SMAD6: variants seen among roughly 807,000 people sequenced by gnomAD.
SMAD6 encodes SMAD family member 6, also known as MAD homolog 6.
SMAD6 carries 103 observed loss-of-function variants against 39.4 expected under a neutral mutation model. The observed-to-expected ratio is 2.62, with a 90% CI of 2.23 to 3.08. The LOEUF (loss-of-function observed/expected upper bound fraction) is 3.08. Among genes scored for constraint, SMAD6 ranks in the 30% most tolerant of loss-of-function variants. SMAD6 has a pLI of 0.00. For synonymous variants in SMAD6, 445 were observed against 353.3 expected, an observed-to-expected ratio of 1.26 and a Z score of -2.91; for missense variants, 1,104 against 742.9, an observed-to-expected ratio of 1.49 and a Z score of -5.65.
In SMAD6 at chr15:66,703,935, T is replaced by G; in HGVS notation, c.677T>G (p.Leu226Arg). 1 of 1,369,454 alleles carries G rather than the reference T, an allele frequency of 7.3e-7. No homozygotes were observed. Among genetic ancestry groups the G allele is most frequent in the Non-Finnish European group, 9.4e-7 (1 of 1,060,264 alleles). The allele number at this position is 1,369,454 out of a possible 1,614,324, so 84.8% of individuals were successfully genotyped here. Residue 226 changes from leucine to arginine, a missense_variant, in exon 1 of 4, where the codon CTC (leucine) becomes CGC (arginine). By Grantham distance (102) the Leu-to-Arg change is moderately radical. Coordinates refer to ENST00000288840, the MANE Select transcript of SMAD6 (RefSeq NM_005585.5). ...CAGCCCGCGCCGCCGCAGCTGCTGC[T>G]CGGCCGCCTCTTTCGCTGGCCCGAC... ...GGQPAPPQLLLGRLFRWPDLQ... is the reference protein window; with the variant it reads ...GGQPAPPQLLRGRLFRWPDLQ...
intron 3 of SMAD6, among the ~76,000 whole-genome samples, chr15:66,776,122 A>G (rs1894463964): frequency 6.6e-6 from 1 of 152,032 alleles, no homozygotes; most frequent in Non-Finnish European, 1.5e-5. Flanking sequence ...CCATTCCTTC[A>G]CTCACTGGGC....
rs1164002736 is a variant in SMAD6, at chr15:66,704,008, C to T, written c.750C>T (p.Phe250=). The stretch of plus-strand genomic sequence containing the variant: ...AGCCCCTGTGCGGCTGCCACAGCTT[C>T]GCCGCCGCCGCCGACGGCCCTACCG... The part of the protein sequence containing the change: ...ELKPLCGCHS[F]AAAADGPTVC... Residue 250 remains phenylalanine, a synonymous_variant, in exon 1 of 4, where the codon TTC becomes TTT. Coordinates refer to ENST00000288840, the MANE Select transcript of SMAD6 (RefSeq NM_005585.5). The T allele has an allele frequency of 6.7e-7, 1 of 1,491,904 alleles. No individual in the cohort carries two copies. The highest frequency in any genetic ancestry group is 2.9e-5 in the East Asian group (1 of 34,554). 92.4% of individuals were successfully genotyped at this position (1,491,904 alleles called of 1,614,324 possible). A position where few individuals can be genotyped will look rare whatever the true frequency, so the allele number is the denominator to read the frequency against.
At chr15:66,704,102 GC>G (rs1478208572) in intron 1 of SMAD6, 27 bp downstream of exon 1, 16 of 1,406,662 alleles carry the variant, frequency 1.1e-5, no homozygotes, top group Admixed American at 6.2e-5. Context: ...GGCCGGGGGG[GC>G]CCCGGGTCCC....
At position 66,702,696 on chromosome 15, in the gene SMAD6, T is replaced by TTTTC. The variant is rs1445163353; in HGVS notation, c.-554_-551dup. ...GATTTAGGTTTTGTTTGGGATTTCC[T>TTTTC]TTTCTTTCTTTCCTTTTTTTTTTCT... On this transcript the variant is annotated 5_prime_UTR_variant, in exon 1 of 4. The change abolishes the stop of an existing upstream ORF in the 5' untranslated region. Transcript: ENST00000288840. The TTTTC allele has an allele frequency of 6.6e-6, 1 of 152,194 alleles. No homozygotes were observed. Among genetic ancestry groups the TTTTC allele is most frequent in the South Asian group, 2.1e-4 (1 of 4,832 alleles). 9.4% of individuals were successfully genotyped at this position (152,194 alleles called of 1,614,324 possible). A position where few individuals can be genotyped will look rare whatever the true frequency, so the allele number is the denominator to read the frequency against.
At chr15:66,757,826 A>T (rs574499199) in intron 3 of SMAD6, among the ~76,000 whole-genome samples, 2 of 152,190 alleles carry the variant, frequency 1.3e-5, no homozygotes, top group African/African-American at 4.8e-5. Context: ...ACAGAGTGGC[A>T]TGGAATGCGC....
intron 1 of SMAD6, chr15:66,706,776 C>G (rs1317732785): frequency 6.6e-6 from 1 of 152,390 alleles, no homozygotes; most frequent in Non-Finnish European, 1.5e-5. Context: ...CTGCAGGGAG[C>G]CCCGGTGACA....
chr15:66,774,447 C>T (rs768308164), intron 3 of SMAD6, among the ~76,000 whole-genome samples: 2 of 152,172 alleles, frequency 1.3e-5, no homozygotes, highest in Non-Finnish European at 2.9e-5. Context: ...TCAGAGGGGC[C>T]GATTTCTGTG....
chr15:66,780,860 C>G, intron 3 of SMAD6, 137 bp from the exon 4 acceptor site: 1 of 756,632 alleles, frequency 1.3e-6, no homozygotes, highest in Non-Finnish European at 2.1e-6. Flanking sequence ...ACCTGGCACA[C>G]GGTGCCCACA....
Position 66,703,923 on chromosome 15 carries a change from C to T in SMAD6, c.665C>T (p.Pro222Leu). The change falls in exon 1 of 4, where the codon CCG (proline) becomes CTG (leucine). Residue 222 changes from proline (P) to leucine (L), a missense_variant. Transcript: ENST00000288840. ...DLRLGGQPAP[P>L]QLLLGRLFRW... ...CGCCTGGGCGGCCAGCCCGCGCCGC[C>T]GCAGCTGCTGCTCGGCCGCCTCTTT... is the stretch of plus-strand genomic sequence containing the variant. 6.1e-6 allele frequency: 8 copies of T among 1,318,774 alleles called. No homozygotes were observed. The highest frequency in any genetic ancestry group is 7.7e-6 in the Non-Finnish European group (8 of 1,037,698). 81.7% of individuals were successfully genotyped at this position (1,318,774 alleles called of 1,614,324 possible).
intron 3 of SMAD6, among the ~76,000 whole-genome samples, chr15:66,744,415 A>G (rs935318500): frequency 1.3e-5 from 2 of 152,178 alleles, no homozygotes; most frequent in Non-Finnish European, 2.9e-5. Context: ...ACGTGTCAGG[A>G]CACCTGGCAA....
At chr15:66,704,311 T>G (rs1165094617) in intron 1 of SMAD6, 2 of 373,974 alleles carry the variant, frequency 5.3e-6, no homozygotes, top group African/African-American at 4.2e-5. Context: ...AGGGTACATG[T>G]CGTAGTTTTC....
At chr15:66,754,896 C>T (rs572712517) in intron 3 of SMAD6, among the ~76,000 whole-genome samples, 1 of 152,144 alleles carries the variant, frequency 6.6e-6, no homozygotes, top group African/African-American at 2.4e-5. Flanking sequence ...GCTGGGGGTG[C>T]TAATGTGTCT....
At chr15:66,707,594 A>G (rs922454995) in intron 1 of SMAD6, 1 of 152,250 alleles carries the variant, frequency 6.6e-6, no homozygotes, top group African/African-American at 2.4e-5. Context: ...AGGGGTGATA[A>G]TGTGCAGTTT....
intron 3 of SMAD6, among the ~76,000 whole-genome samples, chr15:66,772,090 T>G (rs1451555608): frequency 6.6e-6 from 1 of 152,184 alleles, no homozygotes; most frequent in African/African-American, 2.4e-5. Flanking sequence ...CCACGTGGCT[T>G]GGAGTGGATG....
chr15:66,712,054 CTCTT>C (rs1046911668), intron 2 of SMAD6, among the ~76,000 whole-genome samples: 14 of 152,204 alleles, frequency 9.2e-5, no homozygotes, highest in African/African-American at 3.1e-4. Context: ...ATTTCTGTGT[CTCTT>C]TCCTCTCTCT....
intron 3 of SMAD6, among the ~76,000 whole-genome samples, chr15:66,767,521 G>A (rs1465935532): frequency 6.6e-6 from 1 of 152,222 alleles, no homozygotes; most frequent in African/African-American, 2.4e-5. Flanking sequence ...GCATGGATGC[G>A]TCAAGCAGCT....
chr15:66,719,352 G>A (rs774280624), intron 3 of SMAD6, among the ~76,000 whole-genome samples: 1 of 152,228 alleles, frequency 6.6e-6, no homozygotes, highest in Non-Finnish European at 1.5e-5. Flanking sequence ...TACCGGGGAA[G>A]GGGATGAGGG....
Position 66,781,235 on chromosome 15 carries a change from C to T in SMAD6, c.1191C>T (p.Pro397=), listed in dbSNP as rs551875695. The T allele has an allele frequency of 1.0e-4, 165 of 1,608,492 alleles. No homozygotes were observed. The highest frequency in any genetic ancestry group is 4.9e-4 in the Middle Eastern group (3 of 6,084). Residue 397 remains proline (P), a synonymous_variant, in exon 4 of 4, where the codon CCC becomes CCT. Transcript: ENST00000288840. ...TCGGCATCCTGCTCAGCAAGGAGCC[C>T]GACGGCGTGTGGGCCTACAACCGCG... The part of the protein sequence containing the change: ...IGFGILLSKE[P]DGVWAYNRGE...
At chr15:66,752,809 TAAAAA>T (rs1567107961) in intron 3 of SMAD6, among the ~76,000 whole-genome samples, 2 of 151,304 alleles carry the variant, frequency 1.3e-5, no homozygotes, top group South Asian at 4.2e-4. Context: ...AAAATAATAA[TAAAAA>T]AATACAGAAA....
Sources: allele counts gnomAD v4.1 joint callset (sites outside exome capture counted in the v4.1 genomes callset), GRCh38; gene constraint gnomAD v4.1.1; transcripts MANE v1.5; gene names NCBI Gene and HGNC (gene_info 2026-07-23, HGNC 2026-07-21).